The following RPS6KL1 variants were observed in gnomAD, a reference collection of about 807,000 sequenced individuals.
RPS6KL1 encodes the protein ribosomal protein S6 kinase like 1, also known as ribosomal protein S6 kinase-like 1.
RPS6KL1 carries 41 observed loss-of-function variants against 57.0 expected under a neutral mutation model. The observed-to-expected ratio is 0.72, with a 90% CI of 0.56 to 0.93. The LOEUF (loss-of-function observed/expected upper bound fraction) is 0.93, where lower values mean the gene tolerates loss of function less well. Among genes scored for constraint, RPS6KL1 ranks in the 40% least tolerant of loss-of-function variants. RPS6KL1 has a pLI of 0.00. For missense variants in RPS6KL1, 697 were observed against 727.7 expected (o/e 0.96, Z 0.49); for synonymous variants, 287 against 309.7 (o/e 0.93, Z 0.77).
chr14:74,912,908 G>A (rs534257515), intron 5 of RPS6KL1, among the ~76,000 whole-genome samples: 56 of 152,366 alleles, frequency 3.7e-4, no homozygotes, highest in African/African-American at 1.1e-3. Context: ...GGGCAGGGGC[G>A]GGCCCCAGCA....
intron 2 of RPS6KL1, 40 bp downstream of exon 2, chr14:74,921,938 C>T (rs1471807330): frequency 7.2e-6 from 2 of 278,006 alleles, no homozygotes; most frequent in Non-Finnish European, 1.3e-5. Flanking sequence ...CCTACCACAC[C>T]TGGCTATGTT....
intron 5 of RPS6KL1, among the ~76,000 whole-genome samples, chr14:74,913,515 C>G (rs1008298122): frequency 5.9e-5 from 9 of 152,122 alleles, no homozygotes; most frequent in Admixed American, 2.0e-4. Flanking sequence ...TAGATCAAGC[C>G]ACTGCACTCT....
intron 5 of RPS6KL1, among the ~76,000 whole-genome samples, chr14:74,917,038 G>A (rs1180646272): frequency 6.6e-6 from 1 of 152,214 alleles, no homozygotes; most frequent in Non-Finnish European, 1.5e-5. Flanking sequence ...AAGCAGTGGG[G>A]AGGGGACCGT....
chr14:74,906,413 GGGGT>G lies in RPS6KL1; in HGVS notation c.*597_*600del, dbSNP rs1566805763. 153 of 340,200 alleles carry G rather than the reference GGGGT, an allele frequency of 4.5e-4. 2 individuals carry two copies. Among genetic ancestry groups the G allele is most frequent in the African/African-American group, 1.3e-3 (54 of 41,872 alleles). The allele number at this position is 340,200 out of a possible 1,614,324, so 21.1% of individuals were successfully genotyped here. The stretch of plus-strand genomic sequence containing the variant: ...GGCATGGTCAGGAATCGGGGGTGGG[GGGGT>G]GGGGGTGGGGGTCATCCTGTCCCCT... On this transcript the variant is annotated 3_prime_UTR_variant, in exon 12 of 12. Transcript: ENST00000557413.
In RPS6KL1 at chr14:74,919,825, G is replaced by GGT. The variant is rs201982060; in HGVS notation, c.390+18_390+19dup. On this transcript the variant is annotated intron_variant, in intron 4 of 11. Coordinates refer to ENST00000557413, the MANE Select transcript of RPS6KL1 (RefSeq NM_031464.5). ...AGCCCTCCTCCCGCTCAGGCCTTTG[G>GGT]GTGGGGGGGGTCTCCTCACCGCGCT... The GGT allele has an allele frequency of 5.1e-4, 797 of 1,577,862 alleles. 6 individuals are homozygous for GGT. The East Asian group carries it at 0.016, about 32-fold the overall frequency.
intron 10 of RPS6KL1, among the ~76,000 whole-genome samples, chr14:74,908,561 T>C (rs1245485363): frequency 6.6e-6 from 1 of 152,162 alleles, no homozygotes; most frequent in Non-Finnish European, 1.5e-5. Context: ...GAAGAAGGGC[T>C]GTGTCACATT....
Position 74,905,557 on chromosome 14 carries a change from T to G in RPS6KL1, c.*1457A>C, listed in dbSNP as rs981397255. Reference sequence around the variant, plus strand: ...TTCCTGGCAGCCCCAAGCTCGCTCTTGACTTCACTCTGGAGCTTCTACAGG... The same window carrying G: ...TTCCTGGCAGCCCCAAGCTCGCTCTGGACTTCACTCTGGAGCTTCTACAGG... On this transcript the variant is annotated 3_prime_UTR_variant, in exon 12 of 12. Coordinates refer to ENST00000557413, the MANE Select transcript of RPS6KL1 (RefSeq NM_031464.5). The G allele has an allele frequency of 6.6e-6, 1 of 152,164 alleles. No individual in the cohort carries two copies. Among genetic ancestry groups the G allele is most frequent in the African/African-American group, 2.4e-5 (1 of 41,388 alleles). The allele number at this position is 152,164 out of a possible 1,614,324, so 9.4% of individuals were successfully genotyped here. A position where few individuals can be genotyped will look rare whatever the true frequency, so the allele number is the denominator to read the frequency against.
At chr14:74,915,236 C>A (rs765639793) in intron 5 of RPS6KL1, among the ~76,000 whole-genome samples, 6 of 152,120 alleles carry the variant, frequency 3.9e-5, no homozygotes, top group Non-Finnish European at 7.3e-5. Context: ...GGCTTATGTG[C>A]CTAGTGACTA....
chr14:74,910,369 C>G, intron 7 of RPS6KL1: 2 of 370,776 alleles, frequency 5.4e-6, no homozygotes, highest in Admixed American at 4.9e-5. Flanking sequence ...CCCAGCCTTA[C>G]AAACTGGCAC....
At chr14:74,911,212 C>T in intron 7 of RPS6KL1, 36 bp downstream of exon 7, 2 of 1,601,138 alleles carry the variant, frequency 1.2e-6, no homozygotes, top group Non-Finnish European at 1.7e-6. Flanking sequence ...ACCCCAAAGG[C>T]CTGGGGAGCT....
chr14:74,911,175 G>A, intron 7 of RPS6KL1, 73 bp downstream of exon 7: 2 of 1,471,958 alleles, frequency 1.4e-6, no homozygotes, highest in Non-Finnish European at 9.4e-7. Context: ...CCCTGCCAGG[G>A]CTCCGCATTT....
Position 74,914,707 on chromosome 14 carries a change from CTTTG to C in RPS6KL1, c.484-2870_484-2867del, listed in dbSNP as rs554749773. Among the ~76,000 whole-genome samples the C allele has an allele frequency of 3.0e-3, 449 of 152,200 alleles. 2 individuals are homozygous for C. The highest frequency in any genetic ancestry group is 9.3e-3 in the African/African-American group (388 of 41,530). On this transcript the variant is annotated intron_variant, in intron 5 of 11. Transcript: ENST00000557413. ...GGAGGACTGTCTAGTGCCTTGACTTCTTTGTTTATTATTTATTTTTTTGAGACGG... is the reference window on the plus strand; with the variant it reads ...GGAGGACTGTCTAGTGCCTTGACTTCTTTATTATTTATTTTTTTGAGACGG...
At chr14:74,917,927 T>C (rs114211067) in intron 5 of RPS6KL1, among the ~76,000 whole-genome samples, 1,838 of 151,994 alleles carry the variant, frequency 0.012, 35 homozygotes, top group African/African-American at 0.037. Flanking sequence ...GTGGGGGTGC[T>C]GTGGGAAGCG....
intron 5 of RPS6KL1, among the ~76,000 whole-genome samples, chr14:74,916,638 G>A (rs572664765): frequency 3.3e-5 from 5 of 152,046 alleles, no homozygotes; most frequent in South Asian, 2.1e-4. Flanking sequence ...CCGAGATCAC[G>A]CCACTGCACT....
intron 5 of RPS6KL1, among the ~76,000 whole-genome samples, chr14:74,912,280 G>A (rs550589044): frequency 5.8e-4 from 88 of 152,270 alleles, no homozygotes; most frequent in Non-Finnish European, 7.4e-4. Flanking sequence ...GTGGGCATGC[G>A]AGCAGAATGC....
At position 74,919,829 on chromosome 14, in the gene RPS6KL1, G is replaced by A. The variant is rs766114879; in HGVS notation, c.390+16C>T. ...CTCCTCCCGCTCAGGCCTTTGGGTG[G>A]GGGGGGTCTCCTCACCGCGCTGGGG... On this transcript the variant is annotated intron_variant, in intron 4 of 11. Coordinates refer to ENST00000557413, the MANE Select transcript of RPS6KL1 (RefSeq NM_031464.5). The A allele has an allele frequency of 9.5e-5, 153 of 1,608,638 alleles. No homozygotes were observed. The highest frequency in any genetic ancestry group is 1.2e-4 in the Non-Finnish European group (139 of 1,177,648).
Position 74,909,707 on chromosome 14 carries a change from GA to G in RPS6KL1, c.1105del (p.Ser369GlnfsTer16), listed in dbSNP as rs1885579684. 6.2e-7 allele frequency: 1 copy of G among 1,608,926 alleles called. No homozygotes were observed. Among genetic ancestry groups the G allele is most frequent in the Non-Finnish European group, 8.5e-7 (1 of 1,179,888 alleles). On this transcript the variant is annotated frameshift_variant, in exon 8 of 12. Transcript: ENST00000557413. LOFTEE classifies it high-confidence loss of function. ...ACAGCCCCGGCCGGCCCCATCTGCTGACAGGCAGCTCTGATCCATGCCTCGG... is the reference window on the plus strand; with the variant it reads ...ACAGCCCCGGCCGGCCCCATCTGCTGCAGGCAGCTCTGATCCATGCCTCGG... ...CGRGMDQSCLSADGAGRGCGR... is the reference protein window; with the variant it reads ...CGRGMDQSCLXADGAGRGCGR...
In RPS6KL1 at chr14:74,921,434, C is replaced by T; in HGVS notation, c.108G>A (p.Arg36=). Residue 36 remains arginine, a synonymous_variant, in exon 3 of 12, where the codon AGG becomes AGA. Coordinates refer to ENST00000557413, the MANE Select transcript of RPS6KL1 (RefSeq NM_031464.5). The part of the protein sequence containing the change: ...AHVYLEQIRN[R]VALGVPDMTK... ...TCATGTCAGGCACTCCCAGAGCCAC[C>T]CTGTTGCGAATCTGCTCCAGGTACA... 1 of 1,614,268 alleles carries T rather than the reference C, an allele frequency of 6.2e-7. No individual in the cohort carries two copies. Among genetic ancestry groups the T allele is most frequent in the Non-Finnish European group, 8.5e-7 (1 of 1,180,044 alleles).
intron 4 of RPS6KL1, 68 bp downstream of exon 4, chr14:74,919,777 G>A (rs1396029315): frequency 1.9e-6 from 3 of 1,563,004 alleles, no homozygotes; most frequent in Admixed American, 3.5e-5. Context: ...GTGGGTGTCG[G>A]GGCCTCCGCA....
Sources: allele counts gnomAD v4.1 joint callset (sites outside exome capture counted in the v4.1 genomes callset), GRCh38; gene constraint gnomAD v4.1.1; transcripts MANE v1.5; gene names NCBI Gene and HGNC (gene_info 2026-07-23, HGNC 2026-07-21).